TPCN2: variants seen among roughly 807,000 people sequenced by gnomAD.
TPCN2 encodes two pore channel protein 2.
Under a neutral mutation model 111.4 loss-of-function variants are expected in TPCN2, and 92 were observed. The observed-to-expected ratio is 0.83, with a 90% CI of 0.70 to 0.98. TPCN2 has a LOEUF of 0.98. TPCN2 is among the 50% of genes least tolerant of loss of function. The pLI, the probability that TPCN2 is intolerant of heterozygous loss-of-function variation, is 0.00. For missense variants in TPCN2, 995 were observed against 980.1 expected, an observed-to-expected ratio of 1.02 and a Z score of -0.20; for synonymous variants, 405 against 414.5, an observed-to-expected ratio of 0.98 and a Z score of 0.28.
At chr11:69,051,712 C>T (rs1861235685) in intron 1 of TPCN2, among the ~76,000 whole-genome samples, 1 of 152,208 alleles carries the variant, frequency 6.6e-6, no homozygotes, top group Non-Finnish European at 1.5e-5. Flanking sequence ...GATTGTCCCC[C>T]AGGGTGATGA....
chr11:69,053,297 G>A (rs546514570), intron 1 of TPCN2, among the ~76,000 whole-genome samples: 255 of 152,318 alleles, frequency 1.7e-3, no homozygotes, highest in Middle Eastern at 3.4e-3. Context: ...TGGGGGACTC[G>A]GGCGTTCCTG....
At chr11:69,050,473 G>T (rs955600092) in intron 1 of TPCN2, among the ~76,000 whole-genome samples, 1 of 152,208 alleles carries the variant, frequency 6.6e-6, no homozygotes, top group Non-Finnish European at 1.5e-5. Context: ...CCTCTGCTGG[G>T]TTGAAGCGAT....
chr11:69,084,982 G>A (rs1856209716), intron 19 of TPCN2: 2 of 302,200 alleles, frequency 6.6e-6, no homozygotes, highest in African/African-American at 4.5e-5. Context: ...ATTCCCTTAG[G>A]AGCTCCATGA....
At chr11:69,052,114 G>A (rs1341188216) in intron 1 of TPCN2, among the ~76,000 whole-genome samples, 1 of 152,292 alleles carries the variant, frequency 6.6e-6, no homozygotes, top group Non-Finnish European at 1.5e-5. Flanking sequence ...TGGTTCCAGG[G>A]GTGCCCACCA....
At position 69,067,601 on chromosome 11, in the gene TPCN2, C is replaced by T. The variant is rs754612840; in HGVS notation, c.825C>T (p.Pro275=). The change falls in exon 8 of 25, where the codon CCC becomes CCT. Residue 275 remains proline (P), a synonymous_variant. Transcript: ENST00000294309. ...TGCTGCTGACCACGGCCAACAACCCCGATGGTGCGTGCAGGGCCAGGGAGG... is the reference window on the plus strand; with the variant it reads ...TGCTGCTGACCACGGCCAACAACCCTGATGGTGCGTGCAGGGCCAGGGAGG... ...LLVLLTTANN[P]DVMIPAYSKN... is the part of the protein sequence containing the mutation. 45 of 1,613,592 alleles carry T rather than the reference C, an allele frequency of 2.8e-5. No individual in the cohort carries two copies. The highest frequency in any genetic ancestry group is 1.6e-4 in the Middle Eastern group (1 of 6,078).
intron 1 of TPCN2, 128 bp downstream of exon 1, chr11:69,049,234 G>A (rs1287153410): frequency 1.8e-6 from 1 of 543,030 alleles, no homozygotes; most frequent in Non-Finnish European, 2.8e-6. Context: ...AGCGGGGCCC[G>A]GGCCGCGCCG....
At chr11:69,050,291 G>A (rs1010567386) in intron 1 of TPCN2, among the ~76,000 whole-genome samples, 6 of 152,244 alleles carry the variant, frequency 3.9e-5, no homozygotes, top group Non-Finnish European at 7.3e-5. Context: ...ATATGGCACC[G>A]TTCAGGGAAC....
rs1854831089 is a variant in TPCN2, at chr11:69,057,558, C to G, written c.430-20C>G. The G allele has an allele frequency of 6.2e-7, 1 of 1,609,412 alleles. No individual in the cohort carries two copies. The highest frequency in any genetic ancestry group is 1.3e-5 in the African/African-American group (1 of 74,864). ...AGCGTGTGGGGCTACTTGCTGCTCACCCGCCCGTCTATCTTGCAGGGTTAC... is the reference window on the plus strand; with the variant it reads ...AGCGTGTGGGGCTACTTGCTGCTCAGCCGCCCGTCTATCTTGCAGGGTTAC... On this transcript the variant is annotated intron_variant, in intron 4 of 24. Transcript: ENST00000294309.
chr11:69,055,143 C>T, intron 3 of TPCN2, 32 bp from the exon 4 acceptor site: 1 of 1,607,928 alleles, frequency 6.2e-7, no homozygotes, highest in Non-Finnish European at 8.5e-7. Context: ...GCTGCTGGCT[C>T]CTGTGTTTTC....
chr11:69,077,399 T>C, intron 13 of TPCN2, among the ~76,000 whole-genome samples: 2 of 150,640 alleles, frequency 1.3e-5, no homozygotes, highest in African/African-American at 2.5e-5. Flanking sequence ...GCTGTGTCCC[T>C]CCAGCCCCTC....
chr11:69,085,732 A>G lies in TPCN2; in HGVS notation c.1900A>G (p.Asn634Asp), dbSNP rs1856244360. 6.2e-7 allele frequency: 1 copy of G among 1,614,068 alleles called. No homozygotes were observed. Among genetic ancestry groups the G allele is most frequent in the Middle Eastern group, 1.7e-4 (1 of 6,058 alleles). ...GSFEQLEYWA[N>D]NFDDFAAALV... ...CTTCGAGCAGCTGGAGTACTGGGCC[A>G]ACAACTTCGATGACTTTGCGGTGAG... is the stretch of plus-strand genomic sequence containing the variant. Residue 634 changes from asparagine to aspartate, a missense_variant, in exon 21 of 25, where the codon AAC (asparagine) becomes GAC (aspartate). Physicochemically the swap from Asn to Asp is conservative, Grantham distance 23. Coordinates refer to ENST00000294309, the MANE Select transcript of TPCN2 (RefSeq NM_139075.4).
At position 69,049,084 on chromosome 11, in the gene TPCN2, C is replaced by T. The variant is rs1590696073; in HGVS notation, c.87C>T (p.Tyr29=). Residue 29 remains tyrosine (Y), a synonymous_variant, in exon 1 of 25, where the codon TAC becomes TAT. Coordinates refer to ENST00000294309, the MANE Select transcript of TPCN2 (RefSeq NM_139075.4). ...ACTGGCCGGCGGGGCTGACCACTTA[C>T]CGCAGCATCCAAGTCGGCCCTGGTG... is the stretch of plus-strand genomic sequence containing the variant. ...GGDWPAGLTT[Y]RSIQVGPGAA... 1.6e-6 allele frequency: 2 copies of T among 1,242,246 alleles called. No homozygotes were observed. Among genetic ancestry groups the T allele is most frequent in the Middle Eastern group, 2.9e-4 (1 of 3,390 alleles). 77.0% of individuals were successfully genotyped at this position (1,242,246 alleles called of 1,614,324 possible).
chr11:69,072,047 TTCTCCCTGAGGGTGGGTGCTGTGG>T (rs771338532), intron 11 of TPCN2, 24 bp downstream of exon 11: 1 of 1,577,912 alleles, frequency 6.3e-7, no homozygotes, highest in Non-Finnish European at 8.7e-7. Flanking sequence ...ATGGACCCTC[TTCTCCCTGAGGGTGGGTGCTGTGG>T]CTGCTGGGCA....
intron 5 of TPCN2, among the ~76,000 whole-genome samples, chr11:69,061,672 A>G (rs1231556743): frequency 6.6e-6 from 1 of 151,936 alleles, no homozygotes; most frequent in Non-Finnish European, 1.5e-5. Context: ...GGGGACCCCC[A>G]GGTGGGTCCC....
chr11:69,067,244 T>A (rs1199526671), intron 7 of TPCN2, among the ~76,000 whole-genome samples: 1 of 152,166 alleles, frequency 6.6e-6, no homozygotes, highest in Admixed American at 6.5e-5. Context: ...GGCTGAGGGC[T>A]TTTTGCTGTG....
intron 1 of TPCN2, among the ~76,000 whole-genome samples, chr11:69,049,943 C>T (rs1861146455): frequency 2.0e-5 from 3 of 152,246 alleles, no homozygotes; most frequent in East Asian, 1.9e-4. Flanking sequence ...TCACAGCCCT[C>T]TGTTCTGGTG....
At position 69,087,106 on chromosome 11, in the gene TPCN2, T is replaced by A. The variant is rs1856319664; in HGVS notation, c.2086-6T>A. 1.9e-6 allele frequency: 3 copies of A among 1,613,410 alleles called. No individual in the cohort carries two copies. The Middle Eastern group carries it at 5.0e-4, about 266-fold the overall frequency. On this transcript the variant is annotated splice_polypyrimidine_tract_variant and splice_region_variant and intron_variant, in intron 23 of 24. Coordinates refer to ENST00000294309, the MANE Select transcript of TPCN2 (RefSeq NM_139075.4). ...ACACTCACTGGCCACTCCTCCTGCT[T>A]GCCAGAACTTCCTTCACAAGTGGGA...
intron 11 of TPCN2, 58 bp downstream of exon 11, chr11:69,072,081 A>G: frequency 1.4e-6 from 2 of 1,466,186 alleles, no homozygotes; most frequent in Non-Finnish European, 1.9e-6. Flanking sequence ...GCTGCTGGGC[A>G]GGGGCCGGGT....
intron 13 of TPCN2, 44 bp from the exon 14 acceptor site, chr11:69,078,438 C>T (rs564201000): frequency 2.3e-5 from 37 of 1,607,112 alleles, no homozygotes; most frequent in Admixed American, 1.7e-4. Context: ...GCAACAGCCA[C>T]GGCTGCTGGC....
Sources: allele counts gnomAD v4.1 joint callset (sites outside exome capture counted in the v4.1 genomes callset), GRCh38; gene constraint gnomAD v4.1.1; transcripts MANE v1.5; gene names NCBI Gene and HGNC (gene_info 2026-07-23, HGNC 2026-07-21).